MCTP2: variants seen among roughly 807,000 people sequenced by gnomAD.
MCTP2 encodes multiple C2 and transmembrane domain-containing protein 2.
Under a neutral mutation model 111.6 loss-of-function variants are expected in MCTP2, and 132 were observed. The observed-to-expected ratio is 1.18, with a 90% CI of 1.03 to 1.37. The LOEUF (loss-of-function observed/expected upper bound fraction) is 1.37. Among genes scored for constraint, MCTP2 ranks in the 40% most tolerant of loss-of-function variants. The probability of loss-of-function intolerance (pLI) is 0.00; values close to 1 mark genes in which losing one functional copy is unlikely to be tolerated. For synonymous variants in MCTP2, 395 were observed against 387.7 expected (o/e 1.02, Z -0.22); for missense variants, 1,183 against 1,067.9 (o/e 1.11, Z -1.50).
At chr15:94,376,635 T>C (rs183919104) in intron 12 of MCTP2, among the ~76,000 whole-genome samples, 85 of 152,344 alleles carry the variant, frequency 5.6e-4, no homozygotes, top group Non-Finnish European at 1.1e-3. Flanking sequence ...AAGAACTGTA[T>C]AGGTTGTTTT....
intron 1 of MCTP2, among the ~76,000 whole-genome samples, chr15:94,280,871 G>A (rs2152312737): frequency 6.6e-6 from 1 of 152,208 alleles, no homozygotes; most frequent in South Asian, 2.1e-4. Context: ...AGAGCAGGTT[G>A]TTTAATTTCC....
Position 94,451,884 on chromosome 15 carries a change from G to T in MCTP2, c.2251-6253G>T, listed in dbSNP as rs371779356. 3.9e-5 allele frequency among the ~76,000 whole-genome samples: 6 copies of T among 152,152 alleles called. No homozygotes were observed. In the East Asian group the frequency reaches 9.6e-4, roughly 24 times the overall value. On this transcript the variant is annotated intron_variant, in intron 19 of 22. Transcript: ENST00000357742. Reference sequence around the variant, plus strand: ...TAGACAAAAGGTTGTTCCTTCTTTTGTAGCTTTGCCTTCTTGAAGGGAAGG... The same window carrying T: ...TAGACAAAAGGTTGTTCCTTCTTTTTTAGCTTTGCCTTCTTGAAGGGAAGG...
intron 22 of MCTP2, 86 bp downstream of exon 22, chr15:94,476,879 G>A: frequency 2.5e-6 from 2 of 785,494 alleles, no homozygotes; most frequent in South Asian, 3.1e-5. Context: ...GGCTTTGCTT[G>A]TGTGAGTAAT....
At chr15:94,439,553 A>T (rs1004810646) in intron 17 of MCTP2, among the ~76,000 whole-genome samples, 1 of 152,152 alleles carries the variant, frequency 6.6e-6, no homozygotes, top group Admixed American at 6.5e-5. Context: ...TCTAATAACC[A>T]TTGTAGCATA....
In MCTP2 at chr15:94,340,232, A is replaced by G. The variant is rs773393905; in HGVS notation, c.814A>G (p.Met272Val). 1.2e-6 allele frequency: 2 copies of G among 1,613,132 alleles called. No individual in the cohort carries two copies. Among genetic ancestry groups the G allele is most frequent in the African/African-American group, 2.7e-5 (2 of 74,900 alleles). ...TCGAGATTTAACCACATCTGATTTC[A>G]TGGGTTCTGCATTTGTCATTCTCAG... is the stretch of plus-strand genomic sequence containing the variant. ...YDRDLTTSDF[M>V]GSAFVILSDL... is the part of the protein sequence containing the mutation. The change falls in exon 6 of 23, where the codon ATG (methionine) becomes GTG (valine). Residue 272 changes from methionine (M) to valine (V), a missense_variant. Met to Val is a conservative substitution (Grantham distance 21). Transcript: ENST00000357742.
intron 1 of MCTP2, among the ~76,000 whole-genome samples, chr15:94,286,981 A>T (rs1323147490): frequency 1.3e-5 from 2 of 152,202 alleles, no homozygotes; most frequent in Admixed American, 6.5e-5. Context: ...TAGCCTTTTG[A>T]GTGTTTATGA....
chr15:94,433,829 T>A (rs977030231), intron 17 of MCTP2, among the ~76,000 whole-genome samples: 2 of 152,180 alleles, frequency 1.3e-5, no homozygotes, highest in Non-Finnish European at 2.9e-5. Flanking sequence ...GTGGTTTTAA[T>A]TTGTGTTTTC....
rs1452810052 is a variant in MCTP2 at position 94,358,592 on chromosome 15, G to A, written c.1281G>A (p.Lys427=). 2 of 1,613,692 alleles carry A rather than the reference G, an allele frequency of 1.2e-6. No individual in the cohort carries two copies. The highest frequency in any genetic ancestry group is 2.2e-5 in the South Asian group (2 of 91,084). ...AAGTGTGGGGAAAGGACAACAAAAA[G>A]CATGAGGAACGTCTGGGCACGTGAG... is the stretch of plus-strand genomic sequence containing the variant. ...DIEVWGKDNK[K]HEERLGTCKV... is the part of the protein sequence containing the mutation. Residue 427 remains lysine, a synonymous_variant, in exon 10 of 23, where the codon AAG becomes AAA. Transcript: ENST00000357742.
At chr15:94,380,277 A>G (rs1025443659) in intron 12 of MCTP2, among the ~76,000 whole-genome samples, 1 of 152,136 alleles carries the variant, frequency 6.6e-6, no homozygotes, top group East Asian at 1.9e-4. Flanking sequence ...ACAGCAATAT[A>G]CAATTGGAGA....
intron 4 of MCTP2, among the ~76,000 whole-genome samples, chr15:94,335,751 C>T (rs1183151819): frequency 6.6e-6 from 1 of 152,142 alleles, no homozygotes; most frequent in Non-Finnish European, 1.5e-5. Flanking sequence ...AAAATATATT[C>T]AGTTAGTTTT....
intron 1 of MCTP2, among the ~76,000 whole-genome samples, chr15:94,244,211 CATACAT>C (rs1372760808): frequency 8.5e-5 from 12 of 141,586 alleles, no homozygotes; most frequent in African/African-American, 2.9e-4. Context: ...CGTGTATACA[CATACAT>C]ATGTGTATAT....
intron 4 of MCTP2, among the ~76,000 whole-genome samples, chr15:94,317,472 A>G (rs955098767): frequency 6.6e-6 from 1 of 152,080 alleles, no homozygotes; most frequent in Non-Finnish European, 1.5e-5. Flanking sequence ...GCTTCTGCTT[A>G]TTTTCAGGTG....
At chr15:94,245,347 CA>C (rs2071795519) in intron 1 of MCTP2, among the ~76,000 whole-genome samples, 1 of 130,384 alleles carries the variant, frequency 7.7e-6, no homozygotes, top group Non-Finnish European at 1.6e-5. Flanking sequence ...TAGATATTTA[CA>C]TACATATGTA....
chr15:94,380,119 T>C (rs1228205080), intron 12 of MCTP2, among the ~76,000 whole-genome samples: 1 of 152,092 alleles, frequency 6.6e-6, no homozygotes, highest in Non-Finnish European at 1.5e-5. Context: ...TGCATTTCAC[T>C]GCTGCCCTCT....
At chr15:94,338,049 T>G (rs2077452234) in intron 4 of MCTP2, among the ~76,000 whole-genome samples, 1 of 152,210 alleles carries the variant, frequency 6.6e-6, no homozygotes, top group Admixed American at 6.5e-5. Flanking sequence ...TAATGCATGA[T>G]GGATATTAAT....
Position 94,367,644 on chromosome 15 carries a change from C to A in MCTP2, c.1341C>A (p.Ala447=). The change falls in exon 11 of 23, where the codon GCC becomes GCA. Residue 447 remains alanine (A), a synonymous_variant. Coordinates refer to ENST00000357742, the MANE Select transcript of MCTP2 (RefSeq NM_001385001.1). ...TCTCGGCACTCCCTCTGAAGCAAGC[C>A]AACTGCCTGGAGCTGCCACTGGACA... ...VDISALPLKQ[A]NCLELPLDSC... is the part of the protein sequence containing the mutation. 6.2e-7 allele frequency: 1 copy of A among 1,609,718 alleles called. No homozygotes were observed.
chr15:94,461,017 T>C (rs2085169264), intron 20 of MCTP2, among the ~76,000 whole-genome samples: 1 of 142,048 alleles, frequency 7.0e-6, no homozygotes, highest in Admixed American at 7.1e-5. Context: ...TCCCTGATAC[T>C]GATGGGTTGG....
chr15:94,288,740 G>C (rs999732510), intron 1 of MCTP2, among the ~76,000 whole-genome samples: 1 of 152,216 alleles, frequency 6.6e-6, no homozygotes, highest in Non-Finnish European at 1.5e-5. Flanking sequence ...AGGAGCTATT[G>C]TAGAATGCTC....
At chr15:94,392,526 A>T (rs952329111) in intron 14 of MCTP2, among the ~76,000 whole-genome samples, 1 of 152,094 alleles carries the variant, frequency 6.6e-6, no homozygotes, top group Non-Finnish European at 1.5e-5. Flanking sequence ...TTAAAAAATC[A>T]GAAACAGGCT....
Sources: gnomAD v4.1 joint callset for allele counts (sites outside exome capture counted in the v4.1 genomes callset) on GRCh38, gnomAD v4.1.1 for gene constraint, MANE v1.5 for transcripts, NCBI Gene and HGNC (gene_info 2026-07-23, HGNC 2026-07-21) for gene names.